Variants in APCDD1L observed in about 807,000 individuals in gnomAD.
The protein encoded by APCDD1L is APC down-regulated 1 like.
A neutral mutation model predicts 24.2 loss-of-function variants in APCDD1L; 21 were observed. That is an observed-to-expected ratio of 0.87 (90% CI 0.61 to 1.25). The LOEUF (loss-of-function observed/expected upper bound fraction) is 1.25, where lower values mean the gene tolerates loss of function less well. Among genes scored for constraint, APCDD1L ranks in the 50% most tolerant of loss-of-function variants. The pLI, the probability that APCDD1L is intolerant of heterozygous loss-of-function variation, is 0.00. For synonymous variants in APCDD1L, 321 were observed against 323.6 expected (o/e 0.99, Z 0.09); for missense variants, 704 against 711.7 (o/e 0.99, Z 0.12).
intron 1 of APCDD1L, among the ~76,000 whole-genome samples, chr20:58,500,648 G>T (rs751325764): frequency 2.0e-5 from 3 of 152,102 alleles, no homozygotes; most frequent in Admixed American, 6.5e-5. Context: ...GGACACCAAG[G>T]CTCCTTGTCT....
intron 1 of APCDD1L, among the ~76,000 whole-genome samples, chr20:58,512,688 A>G (rs1412129040): frequency 6.6e-6 from 1 of 152,182 alleles, no homozygotes; most frequent in Non-Finnish European, 1.5e-5. Flanking sequence ...TTATGTCAGT[A>G]GCTGAAGGAT....
chr20:58,472,220 G>A (rs146183947), intron 1 of APCDD1L, among the ~76,000 whole-genome samples: 3 of 152,314 alleles, frequency 2.0e-5, no homozygotes, highest in East Asian at 3.9e-4. Flanking sequence ...CAGGAGTGAC[G>A]CTGATTATGA....
At chr20:58,483,649 G>C (rs1324805256) in intron 1 of APCDD1L, among the ~76,000 whole-genome samples, 1 of 152,200 alleles carries the variant, frequency 6.6e-6, no homozygotes, top group South Asian at 2.1e-4. Context: ...CAAATGGCCG[G>C]AATGGCACCT....
rs1431012527 is a variant in APCDD1L, at chr20:58,497,940, C to T, written c.49+16719G>A. 2.0e-5 allele frequency among the ~76,000 whole-genome samples: 3 copies of T among 152,106 alleles called. No homozygotes were observed. Among genetic ancestry groups the T allele is most frequent in the Non-Finnish European group, 2.9e-5 (2 of 68,024 alleles). On this transcript the variant is annotated intron_variant, in intron 1 of 3. Transcript: ENST00000371149. This position sits in a 1 kb window ranked among gnomAD's most constrained non-coding sequence, Gnocchi z 4.3. ...CCTTCTCGGCAGCAACAACCATTAT[C>T]GGTTTGTGCATCTCTCCAGATCTTT... is the stretch of plus-strand genomic sequence containing the variant.
chr20:58,466,086 A>G (rs943972924), intron 3 of APCDD1L, among the ~76,000 whole-genome samples: 2 of 150,728 alleles, frequency 1.3e-5, no homozygotes, highest in Admixed American at 1.3e-4. Context: ...GCCATTATAC[A>G]GTAAAGTTAC....
chr20:58,504,024 A>G (rs1990490005), intron 1 of APCDD1L, among the ~76,000 whole-genome samples: 1 of 152,208 alleles, frequency 6.6e-6, no homozygotes, highest in Non-Finnish European at 1.5e-5. Flanking sequence ...AAGCACCTTG[A>G]CTGACAAGTC....
At chr20:58,499,736 C>T (rs1990395061) in intron 1 of APCDD1L, among the ~76,000 whole-genome samples, 1 of 152,228 alleles carries the variant, frequency 6.6e-6, no homozygotes, top group Non-Finnish European at 1.5e-5. Context: ...TGGAACTGCA[C>T]CCTCAGAGGG....
At position 58,461,766 on chromosome 20, in the gene APCDD1L, C is replaced by G; in HGVS notation, c.742-212G>C. Reference sequence around the variant, plus strand: ...CCTTGATGGAGGTCAGCCCCTGTATCCCCCGGGCCTTGGGTCTCCTGCTGT... The same window carrying G: ...CCTTGATGGAGGTCAGCCCCTGTATGCCCCGGGCCTTGGGTCTCCTGCTGT... On this transcript the variant is annotated intron_variant, in intron 3 of 3. Transcript: ENST00000371149. This position sits in a 1 kb window ranked among gnomAD's most constrained non-coding sequence, Gnocchi z 6.0. 1 of 433,682 alleles carries G rather than the reference C, an allele frequency of 2.3e-6. No individual in the cohort carries two copies. The highest frequency in any genetic ancestry group is 3.9e-6 in the Non-Finnish European group (1 of 257,070). 26.9% of individuals were successfully genotyped at this position (433,682 alleles called of 1,614,324 possible). A position where few individuals can be genotyped will look rare whatever the true frequency, so the allele number is the denominator to read the frequency against.
At chr20:58,513,190 C>G (rs1388579500) in intron 1 of APCDD1L, among the ~76,000 whole-genome samples, 1 of 152,168 alleles carries the variant, frequency 6.6e-6, no homozygotes, top group Non-Finnish European at 1.5e-5. Flanking sequence ...GATGGACACC[C>G]GGTTTCCCCA....
chr20:58,487,299 A>C (rs995074895), intron 1 of APCDD1L, among the ~76,000 whole-genome samples: 1 of 152,138 alleles, frequency 6.6e-6, no homozygotes, highest in African/African-American at 2.4e-5. Flanking sequence ...AAGATATTAT[A>C]ATTTCAAGAG....
chr20:58,467,487 C>T lies in APCDD1L; in HGVS notation c.360G>A (p.Arg120=). 1.3e-6 allele frequency: 2 copies of T among 1,599,756 alleles called. No homozygotes were observed. The highest frequency in any genetic ancestry group is 1.7e-6 in the Non-Finnish European group (2 of 1,173,672). ...VRLRRASWVT[R]GATEADYHLH... is the part of the protein sequence containing the mutation. Reference sequence around the variant, plus strand: ...GGTGGTAGTCGGCCTCGGTGGCTCCCCGGGTGACCCAGGAGGCCCGGCGCA... The same window carrying T: ...GGTGGTAGTCGGCCTCGGTGGCTCCTCGGGTGACCCAGGAGGCCCGGCGCA... Residue 120 remains arginine, a synonymous_variant, in exon 3 of 4, where the codon CGG becomes CGA. Coordinates refer to ENST00000371149, the MANE Select transcript of APCDD1L (RefSeq NM_153360.3). This position sits in a 1 kb window ranked among gnomAD's most constrained non-coding sequence, Gnocchi z 5.9.
At chr20:58,481,087 C>T (rs181883833) in intron 1 of APCDD1L, among the ~76,000 whole-genome samples, 3 of 152,272 alleles carry the variant, frequency 2.0e-5, no homozygotes, top group East Asian at 1.9e-4. Context: ...TTGGAGGAGC[C>T]GGTGAGGGGA....
chr20:58,475,457 G>A (rs1426171619), intron 1 of APCDD1L, among the ~76,000 whole-genome samples: 1 of 152,014 alleles, frequency 6.6e-6, no homozygotes, highest in Non-Finnish European at 1.5e-5. Context: ...TTTAAAAGGT[G>A]ATTGATCTGA....
At chr20:58,495,124 G>A (rs759160698) in intron 1 of APCDD1L, among the ~76,000 whole-genome samples, 8 of 152,136 alleles carry the variant, frequency 5.3e-5, no homozygotes, top group Admixed American at 6.5e-5. Context: ...CAAAGGGAGG[G>A]CTGAGGACAC....
chr20:58,499,584 C>A (rs1010521653), intron 1 of APCDD1L, among the ~76,000 whole-genome samples: 7 of 152,232 alleles, frequency 4.6e-5, no homozygotes, highest in African/African-American at 1.7e-4. Context: ...CAGAACTGCC[C>A]TTGGACAAGC....
chr20:58,514,697 G>A lies in APCDD1L; in HGVS notation c.11C>T (p.Ala4Val). The A allele has an allele frequency of 7.6e-7, 1 of 1,310,804 alleles. No individual in the cohort carries two copies. The highest frequency in any genetic ancestry group is 9.8e-7 in the Non-Finnish European group (1 of 1,021,900). The allele number at this position is 1,310,804 out of a possible 1,614,324, so 81.2% of individuals were successfully genotyped here. MPA[A>V]MLPYACVLVL... ...CAGGACGCAAGCGTAGGGGAGCATG[G>A]CTGCGGGCATCCCGTCGGGGCTGGC... Residue 4 changes from alanine to valine, a missense_variant, in exon 1 of 4, where the codon GCC (alanine) becomes GTC (valine). Ala to Val is a moderately conservative substitution (Grantham distance 64). Transcript: ENST00000371149.
At chr20:58,505,107 G>C (rs1247937367) in intron 1 of APCDD1L, among the ~76,000 whole-genome samples, 1 of 152,080 alleles carries the variant, frequency 6.6e-6, no homozygotes, top group Admixed American at 6.6e-5. Flanking sequence ...CCCTCCCAGA[G>C]ATAACTGCTC....
At chr20:58,483,335 G>T (rs1990060982) in intron 1 of APCDD1L, among the ~76,000 whole-genome samples, 1 of 152,134 alleles carries the variant, frequency 6.6e-6, no homozygotes, top group Non-Finnish European at 1.5e-5. Context: ...GAGGTGGGCA[G>T]GGAGCTTGCA....
At chr20:58,504,667 G>C (rs1388423974) in intron 1 of APCDD1L, among the ~76,000 whole-genome samples, 2 of 152,188 alleles carry the variant, frequency 1.3e-5, no homozygotes, top group African/African-American at 4.8e-5. Context: ...CCAGTTCCCT[G>C]TTCTGAAGCC....
Sources: allele counts gnomAD v4.1 joint callset (sites outside exome capture counted in the v4.1 genomes callset), GRCh38; gene constraint gnomAD v4.1.1; non-coding constraint Gnocchi (gnomAD v3.1); transcripts MANE v1.5; gene names NCBI Gene and HGNC (gene_info 2026-07-23, HGNC 2026-07-21).